The following HPSE2 variants were observed in gnomAD, a reference collection of about 807,000 sequenced individuals.
HPSE2 encodes the protein heparanase 2 (inactive).
HPSE2 carries 38 observed loss-of-function variants against 60.5 expected under a neutral mutation model. That is an observed-to-expected ratio of 0.63 (90% CI 0.48 to 0.82). HPSE2 has a LOEUF of 0.82. Among genes scored for constraint, HPSE2 ranks in the 40% least tolerant of loss-of-function variants. The probability of loss-of-function intolerance (pLI) is 0.00; values close to 1 mark genes in which losing one functional copy is unlikely to be tolerated. For missense variants in HPSE2, 713 were observed against 740.4 expected, an observed-to-expected ratio of 0.96 and a Z score of 0.43; for synonymous variants, 295 against 293.2, an observed-to-expected ratio of 1.01 and a Z score of -0.06.
chr10:98,734,123 G>A (rs886502160), intron 4 of HPSE2, among the ~76,000 whole-genome samples: 1 of 152,106 alleles, frequency 6.6e-6, no homozygotes, highest in African/African-American at 2.4e-5. Flanking sequence ...TGTCTTTTGT[G>A]ACTGGATTCT....
chr10:98,810,502 C>T (rs1222887936), intron 3 of HPSE2, among the ~76,000 whole-genome samples: 3 of 151,986 alleles, frequency 2.0e-5, no homozygotes, highest in Non-Finnish European at 4.4e-5. Flanking sequence ...CAGTTACAAC[C>T]CGGCTTTCCC....
Position 98,556,674 on chromosome 10 carries a change from A to G in HPSE2, c.1320+58230T>C, listed in dbSNP as rs547973530. 5.3e-5 allele frequency among the ~76,000 whole-genome samples: 8 copies of G among 152,320 alleles called. No homozygotes were observed. The South Asian group carries it at 1.4e-3, about 28-fold the overall frequency. The stretch of plus-strand genomic sequence containing the variant: ...GAAAGGAATGAAGAACTCAAAATAA[A>G]TGAAGGGATTTACCATATTATGGAA... On this transcript the variant is annotated intron_variant, in intron 9 of 11. Transcript: ENST00000370552.
intron 3 of HPSE2, among the ~76,000 whole-genome samples, chr10:98,874,071 AT>A (rs568789421): frequency 4.0e-5 from 6 of 151,368 alleles, no homozygotes; most frequent in Admixed American, 6.6e-5. Context: ...TTTCTTATCA[AT>A]TTTTTTAAGT....
At chr10:99,000,645 C>T (rs1223746196) in intron 3 of HPSE2, among the ~76,000 whole-genome samples, 2 of 151,808 alleles carry the variant, frequency 1.3e-5, no homozygotes, top group Non-Finnish European at 2.9e-5. Flanking sequence ...CGGATTCAGG[C>T]AAGTAATTAG....
At chr10:99,197,006 G>A (rs1411707529) in intron 2 of HPSE2, among the ~76,000 whole-genome samples, 1 of 152,166 alleles carries the variant, frequency 6.6e-6, no homozygotes, top group Non-Finnish European at 1.5e-5. Context: ...TAAAGAAAAT[G>A]TGGTATATAT....
chr10:99,250,351 G>T, the HPSE2 span, among the ~76,000 whole-genome samples: 1 of 151,970 alleles, frequency 6.6e-6, no homozygotes, highest in Admixed American at 6.6e-5. Context: ...TTTCTTAATA[G>T]CAACAAAAGA....
chr10:99,088,937 G>A (rs1843421031), intron 3 of HPSE2, among the ~76,000 whole-genome samples: 2 of 152,088 alleles, frequency 1.3e-5, no homozygotes, highest in African/African-American at 4.8e-5. Context: ...AATTAATGAG[G>A]TTGAACATTT....
At chr10:98,867,333 A>C (rs947670946) in intron 3 of HPSE2, among the ~76,000 whole-genome samples, 7 of 152,192 alleles carry the variant, frequency 4.6e-5, no homozygotes, top group Non-Finnish European at 7.3e-5. Context: ...AAAAATGGGC[A>C]AAAGATTTGA....
At chr10:98,817,751 T>A (rs1184447579) in intron 3 of HPSE2, among the ~76,000 whole-genome samples, 1 of 152,334 alleles carries the variant, frequency 6.6e-6, no homozygotes, top group Non-Finnish European at 1.5e-5. Flanking sequence ...TCAAGCTCCA[T>A]CGGAATAATG....
At chr10:99,240,817 A>G (rs555190108), upstream of HPSE2, among the ~76,000 whole-genome samples, 2 of 152,260 alleles carry the variant, frequency 1.3e-5, no homozygotes, top group South Asian at 4.1e-4. Context: ...CTAAACATTC[A>G]AAGCTTAGTT....
the HPSE2 span, among the ~76,000 whole-genome samples, chr10:99,242,981 A>G: frequency 6.6e-6 from 1 of 152,230 alleles, no homozygotes; most frequent in African/African-American, 2.4e-5. Context: ...GTTTTGAAAT[A>G]TAATTTACAT....
intron 3 of HPSE2, among the ~76,000 whole-genome samples, chr10:98,920,307 T>C (rs1954245322): frequency 6.6e-6 from 1 of 152,130 alleles, no homozygotes; most frequent in Non-Finnish European, 1.5e-5. Context: ...CCTCTGCTCC[T>C]TTCATAGATA....
At chr10:98,563,437 G>T (rs1589426543) in intron 9 of HPSE2, among the ~76,000 whole-genome samples, 2 of 152,112 alleles carry the variant, frequency 1.3e-5, no homozygotes, top group South Asian at 4.1e-4. Context: ...GGTAGTGAGT[G>T]CTCATAATTA....
intron 7 of HPSE2, among the ~76,000 whole-genome samples, chr10:98,641,444 G>A (rs965105821): frequency 4.6e-5 from 7 of 151,898 alleles, no homozygotes; most frequent in Non-Finnish European, 1.0e-4. Flanking sequence ...AAAATTGGCT[G>A]GGCATGGCAG....
At chr10:98,745,006 T>C (rs1949593494) in intron 3 of HPSE2, among the ~76,000 whole-genome samples, 1 of 151,892 alleles carries the variant, frequency 6.6e-6, no homozygotes, top group African/African-American at 2.4e-5. Context: ...ATGGAGACCA[T>C]CCTGGCTAAC....
intron 6 of HPSE2, among the ~76,000 whole-genome samples, chr10:98,671,653 C>T (rs1947510355): frequency 6.6e-6 from 1 of 152,156 alleles, no homozygotes; most frequent in African/African-American, 2.4e-5. Context: ...TGCTAAAGAA[C>T]AGGCCCCAGT....
chr10:99,132,191 AAGAGAGAGAG>A (rs781059893), intron 3 of HPSE2, among the ~76,000 whole-genome samples: 17 of 71,896 alleles, frequency 2.4e-4, no homozygotes, highest in African/African-American at 9.6e-4. Context: ...GAAAGAAAGA[AAGAGAGAGAG>A]AGAGAGAGAG....
intron 3 of HPSE2, among the ~76,000 whole-genome samples, chr10:98,984,705 G>A (rs1468778022): frequency 6.6e-6 from 1 of 152,154 alleles, no homozygotes; most frequent in Non-Finnish European, 1.5e-5. Context: ...AGCTAAAGGA[G>A]GAAGTTCGAA....
intron 9 of HPSE2, among the ~76,000 whole-genome samples, chr10:98,548,716 G>A (rs900504485): frequency 3.3e-5 from 5 of 152,122 alleles, no homozygotes; most frequent in African/African-American, 7.2e-5. Flanking sequence ...TAGGAATTGC[G>A]CAGGAGCACA....
Sources: allele counts gnomAD v4.1 joint callset (sites outside exome capture counted in the v4.1 genomes callset), GRCh38; gene constraint gnomAD v4.1.1; transcripts MANE v1.5; gene names NCBI Gene and HGNC (gene_info 2026-07-23, HGNC 2026-07-21).